Variants in MUSK observed in about 807,000 individuals in gnomAD.
MUSK encodes muscle, skeletal receptor tyrosine-protein kinase.
Under a neutral mutation model 88.7 loss-of-function variants are expected in MUSK, and 55 were observed. The ratio of observed to expected loss-of-function variants is 0.62; its 90% confidence interval spans 0.50 to 0.78. The LOEUF is 0.78. MUSK is among the 30% of genes least tolerant of loss of function. The probability of loss-of-function intolerance (pLI) is 0.00; values close to 1 mark genes in which losing one functional copy is unlikely to be tolerated. For missense variants in MUSK, 1,015 were observed against 1,074.3 expected, an observed-to-expected ratio of 0.94 and a Z score of 0.77; for synonymous variants, 387 against 391.9, an observed-to-expected ratio of 0.99 and a Z score of 0.15.
rs2076150430 is a variant in MUSK at position 110,682,851 on chromosome 9, G to T, written c.206+51G>T. 6.9e-6 allele frequency: 9 copies of T among 1,310,004 alleles called. No individual in the cohort carries two copies. In the South Asian group the frequency reaches 7.6e-5, roughly 11 times the overall value. 81.1% of individuals were successfully genotyped at this position (1,310,004 alleles called of 1,614,324 possible). A position where few individuals can be genotyped will look rare whatever the true frequency, so the allele number is the denominator to read the frequency against. ...TTAAATTTTTGTGGGTATATAGTAG[G>T]TGTATATATATGTATATATTTATGA... On this transcript the variant is annotated intron_variant, in intron 2 of 14. Transcript: ENST00000374448.
intron 3 of MUSK, among the ~76,000 whole-genome samples, chr9:110,687,798 T>C (rs1043481612): frequency 4.6e-5 from 7 of 152,112 alleles, no homozygotes; most frequent in African/African-American, 1.2e-4. Flanking sequence ...CTCAATTCTC[T>C]ATCCTCTCCC....
intron 11 of MUSK, among the ~76,000 whole-genome samples, chr9:110,779,679 T>C (rs1419277013): frequency 2.6e-5 from 4 of 152,206 alleles, no homozygotes; most frequent in Admixed American, 2.0e-4. Flanking sequence ...AAACTCATGC[T>C]AGCTGTCTAA....
In MUSK at chr9:110,765,698, C is replaced by A. The variant is rs550330258; in HGVS notation, c.921-2122C>A. Among the ~76,000 whole-genome samples the A allele has an allele frequency of 1.1e-4, 17 of 152,122 alleles. No individual in the cohort carries two copies. In the South Asian group the frequency reaches 3.5e-3, roughly 32 times the overall value. On this transcript the variant is annotated intron_variant, in intron 8 of 14. Coordinates refer to ENST00000374448, the MANE Select transcript of MUSK (RefSeq NM_005592.4). Reference sequence around the variant, plus strand: ...AAGTGATTCTCCTGCCTCAGCCCCTCGAGTAGCTGGGATTACAGATGTCCG... The same window carrying A: ...AAGTGATTCTCCTGCCTCAGCCCCTAGAGTAGCTGGGATTACAGATGTCCG...
rs2077900259 is a variant in MUSK, at chr9:110,787,764, A to G, written c.1853A>G (p.Asp618Gly). The change falls in exon 14 of 15, where the codon GAT (aspartate) becomes GGT (glycine). Residue 618 changes from aspartate to glycine, a missense_variant. By Grantham distance (94) the Asp-to-Gly change is moderately conservative (BLOSUM62 -1). Transcript: ENST00000374448. ...VKMLKEEASA[D>G]MQADFQREAA... ...ATGCTCAAAGAAGAAGCCTCGGCAG[A>G]TATGCAAGCGGACTTTCAGAGGGAG... is the stretch of plus-strand genomic sequence containing the variant. 1 of 1,613,800 alleles carries G rather than the reference A, an allele frequency of 6.2e-7. No homozygotes were observed. The highest frequency in any genetic ancestry group is 1.7e-5 in the Admixed American group (1 of 59,998).
intron 9 of MUSK, among the ~76,000 whole-genome samples, chr9:110,771,774 A>G (rs2077578405): frequency 6.6e-6 from 1 of 152,178 alleles, no homozygotes; most frequent in Admixed American, 6.6e-5. Flanking sequence ...ATCAGCCACA[A>G]CAAAAAAGTC....
At chr9:110,690,242 A>G (rs1268884368) in intron 3 of MUSK, among the ~76,000 whole-genome samples, 1 of 81,284 alleles carries the variant, frequency 1.2e-5, no homozygotes, top group Admixed American at 1.7e-4. Flanking sequence ...ATTTAAGTAT[A>G]TATAAATATA....
chr9:110,686,697 C>T (rs1262264251), intron 2 of MUSK, among the ~76,000 whole-genome samples: 2 of 152,126 alleles, frequency 1.3e-5, no homozygotes, highest in Admixed American at 1.3e-4. Flanking sequence ...TTCAACTAAT[C>T]ATTAGTTACT....
At chr9:110,756,792 G>T (rs544335265) in intron 7 of MUSK, among the ~76,000 whole-genome samples, 2 of 152,164 alleles carry the variant, frequency 1.3e-5, no homozygotes, top group South Asian at 2.1e-4. Context: ...TGCAACAAAG[G>T]TTGGGGTGAT....
At chr9:110,731,947 C>CTTTCCGATTACTATA (rs78656044) in intron 5 of MUSK, among the ~76,000 whole-genome samples, 90,454 of 151,318 alleles carry the variant, frequency 0.6, 27,411 homozygotes, top group Middle Eastern at 0.72. Context: ...AAAATAAAAC[C>CTTTCCGATTACTATA]TTTCCAAGAA....
In MUSK at chr9:110,782,718, C is replaced by A. The variant is rs537587556; in HGVS notation, c.1385-2097C>A. 1.9e-4 allele frequency among the ~76,000 whole-genome samples: 29 copies of A among 152,306 alleles called. No individual in the cohort carries two copies. The South Asian group carries it at 5.6e-3, about 29-fold the overall frequency. On this transcript the variant is annotated intron_variant, in intron 11 of 14. Coordinates refer to ENST00000374448, the MANE Select transcript of MUSK (RefSeq NM_005592.4). The stretch of plus-strand genomic sequence containing the variant: ...TAAGCCACCCCCTACCACCACCACC[C>A]ACCCATCTTAGATCGAGAAAACTTG...
intron 3 of MUSK, among the ~76,000 whole-genome samples, chr9:110,689,534 A>AATATATAGTTATATATAGTT (rs375371967): frequency 9.8e-6 from 1 of 102,206 alleles, no homozygotes; most frequent in African/African-American, 4.4e-5. Flanking sequence ...ACTATATATA[A>AATATATAGTTATATATAGTT]ATATATAGTT....
At chr9:110,756,541 A>T (rs4590511) in intron 7 of MUSK, among the ~76,000 whole-genome samples, 36,882 of 113,416 alleles carry the variant, frequency 0.33, 5,032 homozygotes, top group African/African-American at 0.47. Flanking sequence ...TAATATTATT[A>T]AAAAAAAAAA....
intron 7 of MUSK, among the ~76,000 whole-genome samples, chr9:110,760,918 A>C (rs1459109200): frequency 6.6e-6 from 1 of 152,108 alleles, no homozygotes; most frequent in East Asian, 1.9e-4. Context: ...GCCCTTAAAA[A>C]TCCCCCCCAA....
intron 5 of MUSK, among the ~76,000 whole-genome samples, chr9:110,716,912 A>G (rs2076751664): frequency 6.7e-6 from 1 of 149,658 alleles, no homozygotes; most frequent in South Asian, 2.1e-4. Context: ...TTTTAGCATA[A>G]TTCTGTATTG....
chr9:110,804,954 T>G lies in MUSK; in HGVS notation c.*3966T>G, dbSNP rs1317396562. Among the ~76,000 whole-genome samples the G allele has an allele frequency of 6.6e-6, 1 of 151,936 alleles. No individual in the cohort carries two copies. The highest frequency in any genetic ancestry group is 2.4e-5 in the African/African-American group (1 of 41,452). On this transcript the variant is annotated 3_prime_UTR_variant, in exon 15 of 15. Coordinates refer to ENST00000374448, the MANE Select transcript of MUSK (RefSeq NM_005592.4). The stretch of plus-strand genomic sequence containing the variant: ...CAAAAATAAGATCATACTGCTACAT[T>G]ACTTCAAGCCTTGCTTTTATCACTT...
intron 14 of MUSK, among the ~76,000 whole-genome samples, chr9:110,789,533 C>G (rs549083315): frequency 6.6e-6 from 1 of 152,286 alleles, no homozygotes; most frequent in African/African-American, 2.4e-5. Context: ...AATTTCAACA[C>G]TTTGTGAGGC....
chr9:110,706,079 C>T (rs2076594742), intron 5 of MUSK: 2 of 529,798 alleles, frequency 3.8e-6, no homozygotes, highest in African/African-American at 3.9e-5. Context: ...CTTACAGGTG[C>T]TAAAGGCATT....
Position 110,689,840 on chromosome 9 carries a change from A to G in MUSK, c.358+2572A>G, listed in dbSNP as rs867289888. ...TATTTAAATATATAAATATGTAACT[A>G]TATATTTATATATAACTATATATTT... is the stretch of plus-strand genomic sequence containing the variant. On this transcript the variant is annotated intron_variant, in intron 3 of 14. Coordinates refer to ENST00000374448, the MANE Select transcript of MUSK (RefSeq NM_005592.4). Among the ~76,000 whole-genome samples the G allele has an allele frequency of 2.3e-3, 221 of 98,146 alleles. 3 individuals are homozygous for G. Among genetic ancestry groups the G allele is most frequent in the South Asian group, 0.019 (57 of 3,028 alleles). 64.4% of individuals were successfully genotyped at this position (98,146 alleles called of 152,430 possible). A position where few individuals can be genotyped will look rare whatever the true frequency, so the allele number is the denominator to read the frequency against.
At chr9:110,702,990 A>T (rs1022507318) in intron 5 of MUSK, among the ~76,000 whole-genome samples, 3 of 152,172 alleles carry the variant, frequency 2.0e-5, no homozygotes, top group African/African-American at 7.2e-5. Flanking sequence ...TCCAGGCCAA[A>T]AATTTAACAA....
Sources: gnomAD v4.1 joint callset for allele counts (sites outside exome capture counted in the v4.1 genomes callset) on GRCh38, gnomAD v4.1.1 for gene constraint, MANE v1.5 for transcripts, NCBI Gene and HGNC (gene_info 2026-07-23, HGNC 2026-07-21) for gene names.